Variants in MICU3 observed in about 807,000 individuals in gnomAD.
MICU3 encodes calcium uptake protein 3, mitochondrial.
Under a neutral mutation model 66.5 loss-of-function variants are expected in MICU3, and 62 were observed. The observed-to-expected ratio is 0.93, with a 90% CI of 0.76 to 1.15. The LOEUF (loss-of-function observed/expected upper bound fraction) is 1.15, where lower values mean the gene tolerates loss of function less well. MICU3 is among the 50% of genes most tolerant of loss of function. The pLI is 0.00. For missense variants in MICU3, 779 were observed against 664.4 expected, an observed-to-expected ratio of 1.17 and a Z score of -1.90; for synonymous variants, 308 against 240.7, an observed-to-expected ratio of 1.28 and a Z score of -2.59.
chr8:17,106,278 A>G (rs2150815541), intron 11 of MICU3, among the ~76,000 whole-genome samples: 1 of 152,030 alleles, frequency 6.6e-6, no homozygotes, highest in South Asian at 2.1e-4. Context: ...AAACTTGCAA[A>G]TAGTTTGACT....
chr8:17,118,163 T>G (rs901609075), intron 13 of MICU3, among the ~76,000 whole-genome samples: 1 of 152,184 alleles, frequency 6.6e-6, no homozygotes, highest in Non-Finnish European at 1.5e-5. Flanking sequence ...AAATATAAAG[T>G]ACGCTAGAAA....
intron 1 of MICU3, among the ~76,000 whole-genome samples, chr8:17,063,211 G>C (rs1358699866): frequency 6.6e-6 from 1 of 152,020 alleles, no homozygotes; most frequent in African/African-American, 2.4e-5. Flanking sequence ...TTTAGATTCT[G>C]TCTTCTAATT....
chr8:17,132,901 G>T, the MICU3 span: 2 of 152,200 alleles, frequency 1.3e-5, no homozygotes, highest in South Asian at 4.1e-4. Flanking sequence ...AGTCATGAGA[G>T]TGGAACCCTC....
chr8:17,042,414 T>G (rs1172501296), intron 1 of MICU3, among the ~76,000 whole-genome samples: 2 of 152,244 alleles, frequency 1.3e-5, no homozygotes, highest in Non-Finnish European at 2.9e-5. Flanking sequence ...CAAGCTCGAT[T>G]TATGGCATTG....
chr8:17,082,231 A>G (rs1197339975), intron 5 of MICU3, among the ~76,000 whole-genome samples: 1 of 152,116 alleles, frequency 6.6e-6, no homozygotes, highest in Admixed American at 6.6e-5. Context: ...CTTTGCATTT[A>G]ATGGAGACAA....
chr8:17,039,698 A>G (rs1813692984), intron 1 of MICU3, among the ~76,000 whole-genome samples: 1 of 152,044 alleles, frequency 6.6e-6, no homozygotes, highest in Admixed American at 6.6e-5. Flanking sequence ...TGAATATGTA[A>G]TTTATCTCTA....
chr8:17,135,964 T>C, the MICU3 span, among the ~76,000 whole-genome samples: 21 of 152,150 alleles, frequency 1.4e-4, no homozygotes, highest in Admixed American at 5.9e-4. Context: ...TTTTCTGATC[T>C]TGGACAAGTT....
chr8:17,077,921 T>C (rs1820624839), intron 4 of MICU3, 60 bp downstream of exon 4: 1 of 1,008,594 alleles, frequency 9.9e-7, no homozygotes. Context: ...TATTTATATA[T>C]GCATATTTTC....
chr8:17,055,931 T>C (rs1202763144), intron 1 of MICU3, among the ~76,000 whole-genome samples: 2 of 152,226 alleles, frequency 1.3e-5, no homozygotes, highest in African/African-American at 4.8e-5. Context: ...GTGAATTAAC[T>C]GTCAGCTAGA....
rs1802476487 is a variant in MICU3, at chr8:17,114,190, C to T, written c.1355C>T (p.Ser452Phe). The T allele has an allele frequency of 6.3e-7, 1 of 1,599,294 alleles. No individual in the cohort carries two copies. The highest frequency in any genetic ancestry group is 1.3e-5 in the African/African-American group (1 of 74,544). Residue 452 changes from serine (S) to phenylalanine (F), a missense_variant, in exon 12 of 15, where the codon TCT (serine) becomes TTT (phenylalanine). Physicochemically the swap from Ser to Phe is radical, Grantham distance 155. Transcript: ENST00000318063. The stretch of plus-strand genomic sequence containing the variant: ...AATATGTATAACTTTGCAAGTCGTT[C>T]TATAGGGCAAGGTAAGTAATCATCT... Reference protein sequence around the residue: ...ALNMYNFASRSIGQDEFKRAV... With the variant: ...ALNMYNFASRFIGQDEFKRAV...
intron 8 of MICU3, among the ~76,000 whole-genome samples, chr8:17,097,401 G>A (rs1381797210): frequency 6.6e-6 from 1 of 151,286 alleles, no homozygotes; most frequent in Non-Finnish European, 1.5e-5. Flanking sequence ...ATTTATGTCT[G>A]TGTTATGTAA....
At chr8:17,095,562 C>G (rs1408740905) in intron 8 of MICU3, among the ~76,000 whole-genome samples, 1 of 151,822 alleles carries the variant, frequency 6.6e-6, no homozygotes, top group Admixed American at 6.6e-5. Flanking sequence ...TTATTTTTCC[C>G]CTAGTTTGTT....
chr8:17,028,016 T>A (rs1811325395), intron 1 of MICU3, among the ~76,000 whole-genome samples: 1 of 152,138 alleles, frequency 6.6e-6, no homozygotes. Flanking sequence ...ACTCCTAGAT[T>A]GCGCGGGGCG....
At chr8:17,135,094 T>C in the MICU3 span, among the ~76,000 whole-genome samples, 16 of 152,284 alleles carry the variant, frequency 1.1e-4, no homozygotes, top group African/African-American at 3.8e-4. Flanking sequence ...TGCATACCTA[T>C]TGTTGCTTTT....
intron 5 of MICU3, among the ~76,000 whole-genome samples, chr8:17,084,685 T>C (rs914582311): frequency 6.6e-6 from 1 of 152,146 alleles, no homozygotes; most frequent in African/African-American, 2.4e-5. Flanking sequence ...TATGTGAAAG[T>C]CTTTTTCAGA....
At chr8:17,097,099 G>A (rs1048410545) in intron 8 of MICU3, among the ~76,000 whole-genome samples, 1 of 151,346 alleles carries the variant, frequency 6.6e-6, no homozygotes, top group African/African-American at 2.4e-5. Context: ...TTATTTTCTA[G>A]TTTGGTGGGT....
chr8:17,088,834 C>G (rs1799746874), intron 7 of MICU3, among the ~76,000 whole-genome samples: 2 of 151,632 alleles, frequency 1.3e-5, no homozygotes. Flanking sequence ...GTCACTGCAG[C>G]CAAGGTATAA....
intron 1 of MICU3, among the ~76,000 whole-genome samples, chr8:17,034,445 A>T (rs10888126): frequency 0.26 from 39,098 of 152,108 alleles, 5,475 homozygotes; most frequent in East Asian, 0.39. Flanking sequence ...TATTTAAGAA[A>T]CACATTTTGT....
rs563114424 is a variant in MICU3 at position 17,116,714 on chromosome 8, C to G, written c.1524+114C>G. 25 of 771,174 alleles carry G rather than the reference C, an allele frequency of 3.2e-5. No homozygotes were observed. In the African/African-American group the frequency reaches 3.4e-4, roughly 10 times the overall value. The allele number at this position is 771,174 out of a possible 1,614,324, so 47.8% of individuals were successfully genotyped here. A position where few individuals can be genotyped will look rare whatever the true frequency, so the allele number is the denominator to read the frequency against. On this transcript the variant is annotated intron_variant, in intron 13 of 14. Coordinates refer to ENST00000318063, the MANE Select transcript of MICU3 (RefSeq NM_181723.3). The stretch of plus-strand genomic sequence containing the variant: ...TTTCTTAAGGATATAAACATGAATG[C>G]TTTATTTGAAAAGAAAAAACATAGG...
Sources: gnomAD v4.1 joint callset for allele counts (sites outside exome capture counted in the v4.1 genomes callset) on GRCh38, gnomAD v4.1.1 for gene constraint, MANE v1.5 for transcripts, NCBI Gene and HGNC (gene_info 2026-07-23, HGNC 2026-07-21) for gene names.